Variants in SHFL observed in about 807,000 individuals in gnomAD.
SHFL encodes shiftless antiviral inhibitor of ribosomal frameshifting, also known as shiftless antiviral inhibitor of ribosomal frameshifting protein.
In SHFL, 12 loss-of-function variants were observed where a neutral mutation model predicts 34.7. The observed-to-expected ratio is 0.35, with a 90% CI of 0.22 to 0.56. The LOEUF is 0.56. Ranked by LOEUF, SHFL falls within the 20% of genes least tolerant of loss-of-function variation. The pLI is 0.88. For missense variants in SHFL, 278 were observed against 411.1 expected (o/e 0.68, Z 2.80); for synonymous variants, 148 against 156.0 (o/e 0.95, Z 0.38).
Position 10,086,579 on chromosome 19 carries a change from C to T in SHFL, c.21+131C>T, listed in dbSNP as rs2088287884. 6 of 903,684 alleles carry T rather than the reference C, an allele frequency of 6.6e-6. No individual in the cohort carries two copies. The East Asian group carries it at 1.9e-4, about 28-fold the overall frequency. The allele number at this position is 903,684 out of a possible 1,614,324, so 56.0% of individuals were successfully genotyped here. On this transcript the variant is annotated intron_variant, in intron 1 of 7. Transcript: ENST00000253110. This position sits in a 1 kb window ranked among gnomAD's most constrained non-coding sequence, Gnocchi z 5.2. ...ACCCCAGATCCTTACCCCTGCCTGG[C>T]GCTCGCCCCCCTTGAAAAGGAAAGT...
At chr19:10,089,468 C>CCA in intron 3 of SHFL, 189 bp from the exon 4 acceptor site, 1 of 1,474,804 alleles carries the variant, frequency 6.8e-7, no homozygotes, top group South Asian at 1.2e-5. Context: ...ACAGGTGTGC[C>CCA]CACCTCTCAG....
chr19:10,091,913 C>T lies in SHFL; in HGVS notation c.644-157C>T. ...TCAGGTGACCCCCATGTCCCCAGGT[C>T]TCCTGTATCTTCAACACCCCTGAAT... On this transcript the variant is annotated intron_variant, in intron 7 of 7. Coordinates refer to ENST00000253110, the MANE Select transcript of SHFL (RefSeq NM_018381.4). This position sits in a 1 kb window ranked among gnomAD's most constrained non-coding sequence, Gnocchi z 8.2. 1.0e-6 allele frequency: 1 copy of T among 970,712 alleles called. No individual in the cohort carries two copies. 60.1% of individuals were successfully genotyped at this position (970,712 alleles called of 1,614,324 possible).
intron 3 of SHFL, 69 bp downstream of exon 3, chr19:10,087,369 G>T (rs750284044): frequency 6.4e-7 from 1 of 1,558,228 alleles, no homozygotes; most frequent in Admixed American, 1.7e-5. Flanking sequence ...GACCCGACCC[G>T]TTCATGGTGA....
At chr19:10,087,366 C>A in intron 3 of SHFL, 66 bp downstream of exon 3, 1 of 1,571,870 alleles carries the variant, frequency 6.4e-7, no homozygotes. Context: ...GGGGACCCGA[C>A]CCGTTCATGG....
Position 10,091,428 on chromosome 19 carries a change from C to T in SHFL, c.489-48C>T. On this transcript the variant is annotated intron_variant, in intron 6 of 7. Coordinates refer to ENST00000253110, the MANE Select transcript of SHFL (RefSeq NM_018381.4). This position sits in a 1 kb window ranked among gnomAD's most constrained non-coding sequence, Gnocchi z 8.2. ...CTGCCCCTCCCTGCCCTGGCCCCACCCTGGCCCAGCCTCGCCCTCGGACCC... is the reference window on the plus strand; with the variant it reads ...CTGCCCCTCCCTGCCCTGGCCCCACTCTGGCCCAGCCTCGCCCTCGGACCC... 1 of 1,551,338 alleles carries T rather than the reference C, an allele frequency of 6.4e-7. No individual in the cohort carries two copies. Among genetic ancestry groups the T allele is most frequent in the Non-Finnish European group, 8.7e-7 (1 of 1,143,370 alleles).
At position 10,086,378 on chromosome 19, in the gene SHFL, G is replaced by T. The variant is rs2088283219; in HGVS notation, c.-50G>T. The T allele has an allele frequency of 7.8e-7, 1 of 1,274,764 alleles. No individual in the cohort carries two copies. The highest frequency in any genetic ancestry group is 1.0e-6 in the Non-Finnish European group (1 of 1,003,412). 79.0% of individuals were successfully genotyped at this position (1,274,764 alleles called of 1,614,324 possible). ...GACGGGCGCACCCAGGTAGGGGGGC[G>T]GCTGAGCCGCGCAGTGCGGACCCTC... On this transcript the variant is annotated 5_prime_UTR_variant, in exon 1 of 8. Coordinates refer to ENST00000253110, the MANE Select transcript of SHFL (RefSeq NM_018381.4). This position sits in a 1 kb window ranked among gnomAD's most constrained non-coding sequence, Gnocchi z 5.2.
Position 10,091,224 on chromosome 19 carries a change from T to G in SHFL, c.385-26T>G. ...CTCTGACAATCCTTGGTCCCCTCTC[T>G]GTACCTTCCTGCCCACCACCACCAG... On this transcript the variant is annotated intron_variant, in intron 5 of 7. Coordinates refer to ENST00000253110, the MANE Select transcript of SHFL (RefSeq NM_018381.4). This position sits in a 1 kb window ranked among gnomAD's most constrained non-coding sequence, Gnocchi z 8.2. The G allele has an allele frequency of 6.2e-7, 1 of 1,603,752 alleles. No individual in the cohort carries two copies.
chr19:10,089,833 A>C, intron 4 of SHFL, 65 bp from the exon 5 acceptor site: 1 of 1,581,946 alleles, frequency 6.3e-7, no homozygotes, highest in Non-Finnish European at 8.6e-7. Flanking sequence ...AGGAGGGCTG[A>C]TGCTTATGTT....
In SHFL at chr19:10,091,682, C is replaced by CTT; in HGVS notation, c.643+54_643+55dup. ...GGACAGTCTTTGTCCCCTTCTGTGC[C>CTT]TTTAAGTCCCCAAATCTCCACTCAG... On this transcript the variant is annotated intron_variant, in intron 7 of 7. Coordinates refer to ENST00000253110, the MANE Select transcript of SHFL (RefSeq NM_018381.4). This position sits in a 1 kb window ranked among gnomAD's most constrained non-coding sequence, Gnocchi z 8.2. 3 of 1,487,046 alleles carry CTT rather than the reference C, an allele frequency of 2.0e-6. No individual in the cohort carries two copies. The allele number at this position is 1,487,046 out of a possible 1,614,324, so 92.1% of individuals were successfully genotyped here.
At chr19:10,089,787 T>C in intron 4 of SHFL, 92 bp downstream of exon 4, 1 of 1,555,424 alleles carries the variant, frequency 6.4e-7, no homozygotes, top group Non-Finnish European at 8.7e-7. Flanking sequence ...AGGGGAGATA[T>C]TCACTGGGGC....
At position 10,089,677 on chromosome 19, in the gene SHFL, G is replaced by T; in HGVS notation, c.216G>T (p.Lys72Asn). 1 of 1,594,236 alleles carries T rather than the reference G, an allele frequency of 6.3e-7. No homozygotes were observed. The highest frequency in any genetic ancestry group is 8.6e-7 in the Non-Finnish European group (1 of 1,168,232). ...CCCAGGATCCACCAGAAGATATGAA[G>T]CAGGACCGGGACATTCAGGTGAGTT... Reference protein sequence around the residue: ...LDAQDPPEDMKQDRDIQAVAT... With the variant: ...LDAQDPPEDMNQDRDIQAVAT... The change falls in exon 4 of 8, where the codon AAG becomes AAT. Residue 72 changes from lysine to asparagine, a missense_variant. Physicochemically the swap from Lys to Asn is moderately conservative, Grantham distance 94. Coordinates refer to ENST00000253110, the MANE Select transcript of SHFL (RefSeq NM_018381.4).
chr19:10,090,545 C>T (rs1008114136), intron 5 of SHFL, among the ~76,000 whole-genome samples: 3 of 151,188 alleles, frequency 2.0e-5, no homozygotes, highest in Admixed American at 6.6e-5. Flanking sequence ...GGTGATCCTC[C>T]CACCTCAACC....
chr19:10,086,878 G>C lies in SHFL; in HGVS notation c.22-51G>C. On this transcript the variant is annotated intron_variant, in intron 1 of 7. Transcript: ENST00000253110. This position sits in a 1 kb window ranked among gnomAD's most constrained non-coding sequence, Gnocchi z 5.2. ...GAACGGTGCCTAGAGATGGGGGAGG[G>C]ATGATCCCGTTTCCCCTTCCCCCAC... 6.2e-7 allele frequency: 1 copy of C among 1,605,762 alleles called. No homozygotes were observed. Among genetic ancestry groups the C allele is most frequent in the South Asian group, 1.1e-5 (1 of 89,906 alleles).
In SHFL at chr19:10,092,929, A is replaced by T; in HGVS notation, c.*627A>T. 1 of 625,808 alleles carries T rather than the reference A, an allele frequency of 1.6e-6. No homozygotes were observed. The highest frequency in any genetic ancestry group is 2.5e-6 in the Non-Finnish European group (1 of 393,150). 38.8% of individuals were successfully genotyped at this position (625,808 alleles called of 1,614,324 possible). The stretch of plus-strand genomic sequence containing the variant: ...TCTTCCATCTCCTCAGCAAAAAAAT[A>T]GGAGCCCTGGCCCCCCAACTTTCTT... On this transcript the variant is annotated 3_prime_UTR_variant, in exon 8 of 8. Transcript: ENST00000253110.
In SHFL at chr19:10,086,528, C is replaced by T. The variant is rs1003133675; in HGVS notation, c.21+80C>T. 25 of 1,266,062 alleles carry T rather than the reference C, an allele frequency of 2.0e-5. No individual in the cohort carries two copies. In the African/African-American group the frequency reaches 2.8e-4, roughly 14 times the overall value. 78.4% of individuals were successfully genotyped at this position (1,266,062 alleles called of 1,614,324 possible). A position where few individuals can be genotyped will look rare whatever the true frequency, so the allele number is the denominator to read the frequency against. ...GCCGGGAGGCGCGGAGGGGGCTTCG[C>T]AGTTCCTGGGGACCCCCATCCTAGA... On this transcript the variant is annotated intron_variant, in intron 1 of 7. Transcript: ENST00000253110. This position sits in a 1 kb window ranked among gnomAD's most constrained non-coding sequence, Gnocchi z 5.2.
rs369707503 is a variant in SHFL at position 10,092,680 on chromosome 19, C to T, written c.*378C>T. 263 of 1,614,054 alleles carry T rather than the reference C, an allele frequency of 1.6e-4. 6 individuals are homozygous for T. In the South Asian group the frequency reaches 2.6e-3, roughly 16 times the overall value. Reference sequence around the variant, plus strand: ...AGCCCAGTAGACACCATCCTGGTAGCGGCTTCGGTAGTGGCCGCCGTGGTG... The same window carrying T: ...AGCCCAGTAGACACCATCCTGGTAGTGGCTTCGGTAGTGGCCGCCGTGGTG... On this transcript the variant is annotated 3_prime_UTR_variant, in exon 8 of 8. Coordinates refer to ENST00000253110, the MANE Select transcript of SHFL (RefSeq NM_018381.4).
Position 10,092,601 on chromosome 19 carries a change from G to A in SHFL, c.*299G>A. On this transcript the variant is annotated 3_prime_UTR_variant, in exon 8 of 8. Coordinates refer to ENST00000253110, the MANE Select transcript of SHFL (RefSeq NM_018381.4). ...GAGGAACACAGAGTCACAGCTTCAG[G>A]GGCCGAATGAGCATGGCGGCCTTCC... 1 of 1,605,800 alleles carries A rather than the reference G, an allele frequency of 6.2e-7. No homozygotes were observed. Among genetic ancestry groups the A allele is most frequent in the African/African-American group, 1.3e-5 (1 of 74,902 alleles).
chr19:10,086,835 G>A lies in SHFL; in HGVS notation c.22-94G>A. On this transcript the variant is annotated intron_variant, in intron 1 of 7. Coordinates refer to ENST00000253110, the MANE Select transcript of SHFL (RefSeq NM_018381.4). The surrounding 1 kb of genome is among the most constrained non-coding windows in gnomAD (Gnocchi z 5.2). ...GGGGCGGCGGAGGCCAAAACCAAGG[G>A]TCAAGTTCGGGCCGGGAGAACGGTG... The A allele has an allele frequency of 6.8e-7, 1 of 1,471,604 alleles. No homozygotes were observed. 91.2% of individuals were successfully genotyped at this position (1,471,604 alleles called of 1,614,324 possible). A position where few individuals can be genotyped will look rare whatever the true frequency, so the allele number is the denominator to read the frequency against.
Position 10,091,169 on chromosome 19 carries a change from A to G in SHFL, c.385-81A>G. The G allele has an allele frequency of 2.4e-6, 3 of 1,248,682 alleles. No homozygotes were observed. Among genetic ancestry groups the G allele is most frequent in the Middle Eastern group, 2.4e-4 (1 of 4,192 alleles). 77.4% of individuals were successfully genotyped at this position (1,248,682 alleles called of 1,614,324 possible). On this transcript the variant is annotated intron_variant, in intron 5 of 7. Coordinates refer to ENST00000253110, the MANE Select transcript of SHFL (RefSeq NM_018381.4). The surrounding 1 kb of genome is among the most constrained non-coding windows in gnomAD (Gnocchi z 8.2). The stretch of plus-strand genomic sequence containing the variant: ...AAGCTGAGGCCAGCCGCTGCAGCAC[A>G]CTGCTAGCCCTGACCCCAACCTCAG...
Sources: gnomAD v4.1 joint callset for allele counts (sites outside exome capture counted in the v4.1 genomes callset) on GRCh38, gnomAD v4.1.1 for gene constraint, Gnocchi (gnomAD v3.1) non-coding constraint, MANE v1.5 for transcripts, NCBI Gene and HGNC (gene_info 2026-07-23, HGNC 2026-07-21) for gene names.